Variants in ERI2 observed in about 807,000 individuals in gnomAD.
The protein encoded by ERI2 is ERI1 exoribonuclease 2.
A neutral mutation model predicts 46.8 loss-of-function variants in ERI2; 35 were observed. That is an observed-to-expected ratio of 0.75 (90% CI 0.57 to 0.99). The LOEUF (loss-of-function observed/expected upper bound fraction) is 0.99, where lower values mean the gene tolerates loss of function less well. Ranked by LOEUF, ERI2 falls within the 50% of genes least tolerant of loss-of-function variation. The pLI is 0.00. For missense variants in ERI2, 695 were observed against 796.2 expected, an observed-to-expected ratio of 0.87 and a Z score of 1.53; for synonymous variants, 224 against 271.0, an observed-to-expected ratio of 0.83 and a Z score of 1.70.
chr16:20,792,476 A>G, downstream of ERI2: 1 of 1,498,078 alleles, frequency 6.7e-7, no homozygotes, highest in Non-Finnish European at 8.9e-7. Flanking sequence ...CTAGTCAGAA[A>G]GAACTGCTAC....
At chr16:20,780,434 C>T in exon 11 of ERI2, 3 of 602,964 alleles carry the variant, frequency 5.0e-6, no homozygotes. Flanking sequence ...ATAAAAATCT[C>T]AAGTTTTAAA....
chr16:20,781,223 G>T, intron 10 of ERI2: 5 of 1,433,354 alleles, frequency 3.5e-6, no homozygotes, highest in African/African-American at 1.4e-5. Flanking sequence ...AGAGATCAGA[G>T]TAGACAATAT....
In ERI2 at chr16:20,781,372, A is replaced by G. The variant is rs183532889; in HGVS notation, c.895-638T>C. Among the ~76,000 whole-genome samples the G allele has an allele frequency of 2.8e-3, 429 of 152,326 alleles. 1 individual carries two copies. The highest frequency in any genetic ancestry group is 5.1e-3 in the Non-Finnish European group (344 of 68,030). ...TTTGGGGAGAAAAACCAAAAACAAAATACAACAATTAAAAAAATGCAAATA... is the reference window on the plus strand; with the variant it reads ...TTTGGGGAGAAAAACCAAAAACAAAGTACAACAATTAAAAAAATGCAAATA... On this transcript the variant is annotated intron_variant, in intron 10 of 10. Transcript: ENST00000300005.
chr16:20,792,798 A>G, downstream of ERI2: 1 of 749,706 alleles, frequency 1.3e-6, no homozygotes, highest in Non-Finnish European at 1.6e-6. Context: ...TTGGTAGGTA[A>G]ATAAGTAGAG....
At chr16:20,799,900 C>A in intron 7 of ERI2, 57 bp downstream of exon 7, 1 of 1,026,404 alleles carries the variant, frequency 9.7e-7, no homozygotes, top group South Asian at 1.4e-5. Context: ...AAATGAAATT[C>A]ATATGAAGTA....
chr16:20,795,793 T>G (rs1443127309), downstream of ERI2, among the ~76,000 whole-genome samples: 1 of 152,226 alleles, frequency 6.6e-6, no homozygotes, highest in East Asian at 1.9e-4. Context: ...ACTCCAAATT[T>G]ACTTTTAAAG....
chr16:20,795,219 C>CT (rs1555488562), downstream of ERI2, among the ~76,000 whole-genome samples: 1 of 152,150 alleles, frequency 6.6e-6, no homozygotes, highest in Non-Finnish European at 1.5e-5. Context: ...CAAAGTCTCA[C>CT]TATGTTGCCC....
rs61034220 is a variant in ERI2, at chr16:20,790,146, TA to T, written c.816-590del. ...AGTAAATATATTTCTCTTAGGAATT[TA>T]AAGTATATTTAAAATATTTTTGGGC... On this transcript the variant is annotated intron_variant, in intron 9 of 10. Transcript: ENST00000300005. The surrounding 1 kb of genome is among the most constrained non-coding windows in gnomAD (Gnocchi z 4.0). Among the ~76,000 whole-genome samples the T allele has an allele frequency of 0.083, 12,697 of 152,194 alleles. 577 individuals carry two copies. The highest frequency in any genetic ancestry group is 0.13 in the East Asian group (684 of 5,176).
chr16:20,798,219 A>T lies in ERI2; in HGVS notation c.1581T>A (p.Leu527=). 1 of 1,551,660 alleles carries T rather than the reference A, an allele frequency of 6.4e-7. No homozygotes were observed. The highest frequency in any genetic ancestry group is 1.4e-5 in the African/African-American group (1 of 73,170). Reference sequence around the variant, plus strand: ...GATTCCTTTTGGTACCACCTGAAAGAAGAGGATGTTTCCCCAAAACTAAAG... The same window carrying T: ...GATTCCTTTTGGTACCACCTGAAAGTAGAGGATGTTTCCCCAAAACTAAAG... ...SHPLVLGKHP[L]LSGGTKRNPC... Residue 527 remains leucine (L), a synonymous_variant, in exon 9 of 9, where the codon CTT becomes CTA. Coordinates refer to ENST00000357967, the MANE Select transcript of ERI2 (RefSeq NM_001142725.2).
At position 20,803,659 on chromosome 16, in the gene ERI2, A is replaced by G. The variant is rs1467952079; in HGVS notation, c.35T>C (p.Leu12Ser). ...TGGCGCAATTGACTTTCTCCTAATT[A>G]ATCCAAGCTGCCTAAAAATGTGAAG... ...ATKRLARQLG[L>S]IRRKSIAPAN... is the part of the protein sequence containing the mutation. The change falls in exon 2 of 9, where the codon TTA becomes TCA. Residue 12 changes from leucine to serine, a missense_variant. Coordinates refer to ENST00000357967, the MANE Select transcript of ERI2 (RefSeq NM_001142725.2). 1 of 1,613,970 alleles carries G rather than the reference A, an allele frequency of 6.2e-7. No homozygotes were observed. The highest frequency in any genetic ancestry group is 1.1e-5 in the South Asian group (1 of 91,026).
At position 20,798,467 on chromosome 16, in the gene ERI2, T is replaced by C. The variant is rs1234766142; in HGVS notation, c.1333A>G (p.Met445Val). ...EISFNSGERL[M>V]VLKELEMSSH... The stretch of plus-strand genomic sequence containing the variant: ...GACATTTCCAATTCTTTCAAAACCA[T>C]TAATCTTTCTCCAGAATTAAATGAA... Residue 445 changes from methionine to valine, a missense_variant, in exon 9 of 9, where the codon ATG becomes GTG. Physicochemically the swap from Met to Val is conservative, Grantham distance 21. Transcript: ENST00000357967. The C allele has an allele frequency of 6.4e-7, 1 of 1,551,452 alleles. No individual in the cohort carries two copies. Among genetic ancestry groups the C allele is most frequent in the Admixed American group, 2.0e-5 (1 of 50,984 alleles).
chr16:20,780,663 A>T (rs201158405), exon 11 of ERI2: 1 of 1,614,200 alleles, frequency 6.2e-7, no homozygotes, highest in African/African-American at 1.3e-5. Context: ...CAGTGGTAAC[A>T]GTCTGTGATG....
At chr16:20,785,628 CAG>C (rs1453769674) in intron 10 of ERI2, among the ~76,000 whole-genome samples, 2 of 151,916 alleles carry the variant, frequency 1.3e-5, no homozygotes, top group Non-Finnish European at 2.9e-5. Flanking sequence ...AAAAGAACAA[CAG>C]TGGTTATTTT....
chr16:20,796,491 T>C lies in ERI2; in HGVS notation c.*1233A>G. 1 of 1,611,024 alleles carries C rather than the reference T, an allele frequency of 6.2e-7. No individual in the cohort carries two copies. The highest frequency in any genetic ancestry group is 8.5e-7 in the Non-Finnish European group (1 of 1,179,338). ...GCACCTTACAAATATCCCAGAAAGG[T>C]AGGCATCCTAATTATAACGAATATT... On this transcript the variant is annotated 3_prime_UTR_variant, in exon 9 of 9. Transcript: ENST00000357967.
chr16:20,780,277 C>T, exon 11 of ERI2: 1 of 233,892 alleles, frequency 4.3e-6, no homozygotes, highest in Middle Eastern at 1.7e-3. Flanking sequence ...CCCATCAGTA[C>T]CCATGGCTTT....
rs761187885 is a variant in ERI2 at position 20,802,907 on chromosome 16, C to T, written c.192G>A (p.Val64=). The T allele has an allele frequency of 6.3e-7, 1 of 1,595,298 alleles. No homozygotes were observed. The highest frequency in any genetic ancestry group is 8.6e-7 in the Non-Finnish European group (1 of 1,167,252). ...TCTGTCCAGTTGATGTGTTCAGCAA[C>T]ACTGCTGGAAACTCAACTAAATGAA... ...HSQEIIEFPA[V]LLNTSTGQID... is the part of the protein sequence containing the mutation. Residue 64 remains valine, a synonymous_variant, in exon 4 of 9, where the codon GTG becomes GTA. Coordinates refer to ENST00000357967, the MANE Select transcript of ERI2 (RefSeq NM_001142725.2).
chr16:20,786,776 G>A (rs1337376002), intron 10 of ERI2, among the ~76,000 whole-genome samples: 3 of 152,182 alleles, frequency 2.0e-5, no homozygotes, highest in African/African-American at 4.8e-5. Context: ...GGCACAAAGA[G>A]GTAAAAGAAC....
Position 20,797,815 on chromosome 16 carries a change from A to G in ERI2, c.1985T>C (p.Phe662Ser). Residue 662 changes from phenylalanine to serine, a missense_variant, in exon 9 of 9, where the codon TTT (phenylalanine) becomes TCT (serine). Physicochemically the swap from Phe to Ser is radical, Grantham distance 155. Transcript: ENST00000357967. ...VPSHSTGGLTFSSPETSHICD... is the reference protein window; with the variant it reads ...VPSHSTGGLTSSSPETSHICD... ...AATATGGCTTGTTTCTGGAGAACTAAAAGTGAGTCCCCCTGTGGAATGAGA... is the reference window on the plus strand; with the variant it reads ...AATATGGCTTGTTTCTGGAGAACTAGAAGTGAGTCCCCCTGTGGAATGAGA... The G allele has an allele frequency of 6.4e-7, 1 of 1,551,534 alleles. No homozygotes were observed.
chr16:20,800,256 T>G (rs746586497), intron 6 of ERI2, 46 bp downstream of exon 6: 1 of 1,343,062 alleles, frequency 7.4e-7, no homozygotes, highest in Non-Finnish European at 1.1e-6. Context: ...AAGTTAATCA[T>G]TTTTCCATAG....
Sources: gnomAD v4.1 joint callset for allele counts (sites outside exome capture counted in the v4.1 genomes callset) on GRCh38, gnomAD v4.1.1 for gene constraint, Gnocchi (gnomAD v3.1) non-coding constraint, MANE v1.5 for transcripts, NCBI Gene and HGNC (gene_info 2026-07-23, HGNC 2026-07-21) for gene names.